PPP1R16B: variants seen among roughly 807,000 people sequenced by gnomAD.
The protein encoded by PPP1R16B is protein phosphatase 1 regulatory inhibitor subunit 16B.
In PPP1R16B, 14 loss-of-function variants were observed where a neutral mutation model predicts 61.7. That is an observed-to-expected ratio of 0.23 (90% CI 0.15 to 0.35). PPP1R16B has a LOEUF of 0.35. Among genes scored for constraint, PPP1R16B ranks in the 10% least tolerant of loss-of-function variants. The pLI is 1.00. For synonymous variants in PPP1R16B, 266 were observed against 305.3 expected (o/e 0.87, Z 1.34); for missense variants, 547 against 752.5 (o/e 0.73, Z 3.19).
intron 2 of PPP1R16B, among the ~76,000 whole-genome samples, chr20:38,866,673 C>T (rs1212452620): frequency 2.0e-5 from 3 of 152,288 alleles, no homozygotes; most frequent in African/African-American, 7.2e-5. Context: ...GCCTGGAGCT[C>T]AGCCTCTGTC....
At chr20:38,893,537 T>C (rs2085307306) in intron 3 of PPP1R16B, among the ~76,000 whole-genome samples, 1 of 150,928 alleles carries the variant, frequency 6.6e-6, no homozygotes, top group Non-Finnish European at 1.5e-5. Flanking sequence ...AGATGTGCAA[T>C]TCATACCTGG....
chr20:38,890,770 C>G (rs1383924146), intron 3 of PPP1R16B, among the ~76,000 whole-genome samples: 1 of 152,220 alleles, frequency 6.6e-6, no homozygotes, highest in African/African-American at 2.4e-5. Context: ...CCTCCCTGTG[C>G]CCGAGTTTCT....
intron 2 of PPP1R16B, among the ~76,000 whole-genome samples, chr20:38,886,094 A>T (rs1324631278): frequency 6.6e-6 from 1 of 152,152 alleles, no homozygotes; most frequent in Non-Finnish European, 1.5e-5. Context: ...TTATTAATAT[A>T]ATAATAATTT....
intron 2 of PPP1R16B, among the ~76,000 whole-genome samples, chr20:38,869,963 G>A (rs552718732): frequency 6.6e-6 from 1 of 150,794 alleles, no homozygotes; most frequent in South Asian, 2.1e-4. Context: ...TCTCTCTGTC[G>A]CCCAGGCTGG....
intron 2 of PPP1R16B, among the ~76,000 whole-genome samples, chr20:38,851,348 C>T (rs1300662047): frequency 6.6e-6 from 1 of 151,752 alleles, no homozygotes; most frequent in African/African-American, 2.4e-5. Flanking sequence ...GCCTGTAATC[C>T]CAGCTACTCA....
chr20:38,844,502 T>TA (rs1362817699), intron 2 of PPP1R16B, among the ~76,000 whole-genome samples: 1 of 152,240 alleles, frequency 6.6e-6, no homozygotes, highest in African/African-American at 2.4e-5. Flanking sequence ...GCACACAGCT[T>TA]AAAAAATGGC....
intron 2 of PPP1R16B, among the ~76,000 whole-genome samples, chr20:38,889,050 G>A (rs2085270369): frequency 6.6e-6 from 1 of 152,064 alleles, no homozygotes; most frequent in Non-Finnish European, 1.5e-5. Context: ...CCTGCTGTGG[G>A]GACCCACAGT....
chr20:38,882,909 T>TTTTTG (rs1412650573), intron 2 of PPP1R16B, among the ~76,000 whole-genome samples: 33 of 151,874 alleles, frequency 2.2e-4, no homozygotes, highest in Admixed American at 2.2e-3. Flanking sequence ...CAGAGCTCGG[T>TTTTTG]TTTTGTTTTG....
intron 6 of PPP1R16B, among the ~76,000 whole-genome samples, chr20:38,903,254 C>T (rs1023257063): frequency 6.6e-6 from 1 of 152,188 alleles, no homozygotes; most frequent in African/African-American, 2.4e-5. Context: ...GATATTCCTT[C>T]ACCCCAGGCT....
intron 4 of PPP1R16B, among the ~76,000 whole-genome samples, chr20:38,896,855 G>A (rs1273668360): frequency 6.6e-6 from 1 of 152,158 alleles, no homozygotes; most frequent in Non-Finnish European, 1.5e-5. Context: ...TATAGAAGTG[G>A]ATTCAGAAAG....
chr20:38,859,293 C>CT (rs1023896067), intron 2 of PPP1R16B, among the ~76,000 whole-genome samples: 35 of 137,424 alleles, frequency 2.5e-4, no homozygotes, highest in Admixed American at 6.7e-4. Flanking sequence ...GTGCGGGTTC[C>CT]TTTTTTTTTT....
chr20:38,861,414 G>T (rs1256163664), intron 2 of PPP1R16B, among the ~76,000 whole-genome samples: 2 of 152,206 alleles, frequency 1.3e-5, no homozygotes, highest in African/African-American at 2.4e-5. Context: ...TCTATGAGTT[G>T]CCTGGGAGAG....
intron 1 of PPP1R16B, among the ~76,000 whole-genome samples, chr20:38,807,284 G>C (rs2084668859): frequency 6.6e-6 from 1 of 152,228 alleles, no homozygotes; most frequent in Admixed American, 6.5e-5. Context: ...TCGTGGGCAA[G>C]GTACTTGGCT....
At chr20:38,838,690 C>T (rs1234848793) in intron 2 of PPP1R16B, among the ~76,000 whole-genome samples, 5 of 152,200 alleles carry the variant, frequency 3.3e-5, no homozygotes, top group African/African-American at 1.2e-4. Context: ...TCTCACCCCT[C>T]GTTATTGACT....
At chr20:38,855,170 C>G in intron 2 of PPP1R16B, among the ~76,000 whole-genome samples, 1 of 152,056 alleles carries the variant, frequency 6.6e-6, no homozygotes, top group East Asian at 1.9e-4. Context: ...CTCATGGTGC[C>G]CAGCTTTTCC....
chr20:38,852,747 C>CTTTTT lies in PPP1R16B; in HGVS notation c.250+16589_250+16593dup, dbSNP rs1185726609. On this transcript the variant is annotated intron_variant, in intron 2 of 10. Transcript: ENST00000299824. ...CTTGGCTTCTAGGGACCACTGTTTC[C>CTTTTT]TTTTTTTTTTTTTTTTTTTTTGCGG... Among the ~76,000 whole-genome samples the CTTTTT allele has an allele frequency of 9.5e-5, 3 of 31,498 alleles. 1 individual carries two copies. Among genetic ancestry groups the CTTTTT allele is most frequent in the African/African-American group, 2.9e-4 (2 of 6,816 alleles). The allele number at this position is 31,498 out of a possible 152,430, so 20.7% of individuals were successfully genotyped here.
At chr20:38,904,860 T>C (rs2085426319) in intron 6 of PPP1R16B, among the ~76,000 whole-genome samples, 1 of 152,212 alleles carries the variant, frequency 6.6e-6, no homozygotes, top group Admixed American at 6.5e-5. Flanking sequence ...CTTCTATCTC[T>C]CATCTTGGCT....
In PPP1R16B at chr20:38,918,854, T is replaced by A. The variant is rs920928594; in HGVS notation, c.*188T>A. On this transcript the variant is annotated 3_prime_UTR_variant, in exon 11 of 11. Coordinates refer to ENST00000299824, the MANE Select transcript of PPP1R16B (RefSeq NM_015568.4). This position sits in a 1 kb window ranked among gnomAD's most constrained non-coding sequence, Gnocchi z 5.3. ...CATGTCCCACGTCCCGTGGTTCTGCTTCCTGCTGCATCGTCTGCCATCTGA... is the reference window on the plus strand; with the variant it reads ...CATGTCCCACGTCCCGTGGTTCTGCATCCTGCTGCATCGTCTGCCATCTGA... 7 of 641,992 alleles carry A rather than the reference T, an allele frequency of 1.1e-5. No individual in the cohort carries two copies. The highest frequency in any genetic ancestry group is 1.4e-5 in the Non-Finnish European group (6 of 426,032). The allele number at this position is 641,992 out of a possible 1,614,324, so 39.8% of individuals were successfully genotyped here. A position where few individuals can be genotyped will look rare whatever the true frequency, so the allele number is the denominator to read the frequency against.
intron 1 of PPP1R16B, among the ~76,000 whole-genome samples, chr20:38,808,196 C>A (rs957832076): frequency 4.6e-5 from 7 of 152,172 alleles, no homozygotes; most frequent in African/African-American, 1.7e-4. Flanking sequence ...ATTACTGATT[C>A]CCATTTTGCA....
Sources: gnomAD v4.1 joint callset for allele counts (sites outside exome capture counted in the v4.1 genomes callset) on GRCh38, gnomAD v4.1.1 for gene constraint, Gnocchi (gnomAD v3.1) non-coding constraint, MANE v1.5 for transcripts, NCBI Gene and HGNC (gene_info 2026-07-23, HGNC 2026-07-21) for gene names.